DGKD: variants seen among roughly 807,000 people sequenced by gnomAD.
DGKD encodes the protein diacylglycerol kinase delta.
In DGKD, 68 loss-of-function variants were observed where a neutral mutation model predicts 154.4. The ratio of observed to expected loss-of-function variants is 0.44; its 90% CI spans 0.36 to 0.54. The LOEUF (loss-of-function observed/expected upper bound fraction) is 0.54. Among genes scored for constraint, DGKD ranks in the 20% least tolerant of loss-of-function variants. The probability of loss-of-function intolerance (pLI) is 0.00; values close to 1 mark genes in which losing one functional copy is unlikely to be tolerated. For missense variants in DGKD, 1,343 were observed against 1,593.6 expected, an observed-to-expected ratio of 0.84 and a Z score of 2.68; for synonymous variants, 693 against 638.0, an observed-to-expected ratio of 1.09 and a Z score of -1.30.
rs1227581832 is a variant in DGKD, at chr2:233,440,186, C to T, written c.1086-1701C>T. 1.3e-5 allele frequency among the ~76,000 whole-genome samples: 2 copies of T among 152,192 alleles called. No homozygotes were observed. Among genetic ancestry groups the T allele is most frequent in the African/African-American group, 4.8e-5 (2 of 41,444 alleles). On this transcript the variant is annotated intron_variant, in intron 9 of 29. Transcript: ENST00000264057. This position sits in a 1 kb window ranked among gnomAD's most constrained non-coding sequence, Gnocchi z 4.9. ...TCATTTACCATTTCTGGAAGCAGCT[C>T]ATCTCACACAGCTCACAGCAGAATC... is the stretch of plus-strand genomic sequence containing the variant.
chr2:233,448,311 G>T lies in DGKD; in HGVS notation c.1550G>T (p.Arg517Leu). The T allele has an allele frequency of 6.2e-7, 1 of 1,614,144 alleles. No individual in the cohort carries two copies. Among genetic ancestry groups the T allele is most frequent in the Non-Finnish European group, 8.5e-7 (1 of 1,180,018 alleles). ...LCETVKDFVA[R>L]VGKAYEKTTE... is the part of the protein sequence containing the mutation. ...GAGACGGTGAAGGACTTCGTGGCAC[G>T]GGTGGGGAAGGCCTATGAGAAGACG... is the stretch of plus-strand genomic sequence containing the variant. The change falls in exon 14 of 30, where the codon CGG becomes CTG. Residue 517 changes from arginine (R) to leucine (L), a missense_variant. Arg to Leu is a moderately radical substitution (Grantham distance 102, BLOSUM62 -2). Coordinates refer to ENST00000264057, the MANE Select transcript of DGKD (RefSeq NM_152879.3).
chr2:233,412,864 A>G (rs916076024), intron 3 of DGKD, among the ~76,000 whole-genome samples: 1 of 152,060 alleles, frequency 6.6e-6, no homozygotes, highest in African/African-American at 2.4e-5. Flanking sequence ...TTTCTCCTTT[A>G]TATTATTAAA....
chr2:233,368,307 C>T (rs1260682277), intron 1 of DGKD, among the ~76,000 whole-genome samples: 1 of 151,952 alleles, frequency 6.6e-6, no homozygotes, highest in Non-Finnish European at 1.5e-5. Flanking sequence ...GTCAGGAGTT[C>T]GAGACCAGCC....
At chr2:233,465,140 G>C (rs1254931012) in intron 27 of DGKD, among the ~76,000 whole-genome samples, 4 of 152,210 alleles carry the variant, frequency 2.6e-5, no homozygotes. Flanking sequence ...AAACTCAGCA[G>C]CTTCTCAGTG....
chr2:233,469,247 G>T, intron 29 of DGKD, 124 bp from the exon 30 acceptor site: 1 of 766,372 alleles, frequency 1.3e-6, no homozygotes, highest in Admixed American at 2.4e-5. Context: ...TACCGTTTTT[G>T]TCATTTTGGC....
At chr2:233,380,966 G>T (rs1355569528) in intron 1 of DGKD, among the ~76,000 whole-genome samples, 1 of 152,172 alleles carries the variant, frequency 6.6e-6, no homozygotes, top group Admixed American at 6.5e-5. Context: ...TGAAAACCAG[G>T]GTAGTGGCAA....
At chr2:233,426,992 A>G (rs1380698291) in intron 3 of DGKD, among the ~76,000 whole-genome samples, 1 of 152,114 alleles carries the variant, frequency 6.6e-6, no homozygotes, top group East Asian at 1.9e-4. Flanking sequence ...CCATTTTACT[A>G]TTAGTTTGTC....
intron 1 of DGKD, among the ~76,000 whole-genome samples, chr2:233,369,226 C>T (rs1205603639): frequency 1.3e-5 from 2 of 152,170 alleles, no homozygotes; most frequent in Non-Finnish European, 2.9e-5. Flanking sequence ...TTTCCCTGTC[C>T]ACTGTATCCA....
chr2:233,461,692 G>T (rs1482827700), intron 24 of DGKD, among the ~76,000 whole-genome samples: 2 of 152,258 alleles, frequency 1.3e-5, no homozygotes, highest in African/African-American at 4.8e-5. Context: ...TGCCTGGAAG[G>T]TGCACTTGCA....
chr2:233,436,596 C>T (rs2062704678), intron 7 of DGKD, among the ~76,000 whole-genome samples, 155 bp downstream of exon 7: 1 of 152,240 alleles, frequency 6.6e-6, no homozygotes, highest in South Asian at 2.1e-4. Flanking sequence ...TTGGGTCATT[C>T]TCCTTCTTAG....
At position 233,438,133 on chromosome 2, in the gene DGKD, G is replaced by A; in HGVS notation, c.923-84G>A. The A allele has an allele frequency of 6.8e-7, 1 of 1,477,018 alleles. No homozygotes were observed. The allele number at this position is 1,477,018 out of a possible 1,614,324, so 91.5% of individuals were successfully genotyped here. ...GTGTCAGGTGTGTGTCCTTTGGGGG[G>A]GTCTGCTGCTGCTGATTCCATCAGT... is the stretch of plus-strand genomic sequence containing the variant. On this transcript the variant is annotated intron_variant, in intron 8 of 29. Coordinates refer to ENST00000264057, the MANE Select transcript of DGKD (RefSeq NM_152879.3). This position sits in a 1 kb window ranked among gnomAD's most constrained non-coding sequence, Gnocchi z 4.1.
At chr2:233,426,647 G>A (rs2062312918) in intron 3 of DGKD, among the ~76,000 whole-genome samples, 1 of 152,192 alleles carries the variant, frequency 6.6e-6, no homozygotes, top group African/African-American at 2.4e-5. Flanking sequence ...CAATGTATGA[G>A]TATACTACAG....
intron 3 of DGKD, among the ~76,000 whole-genome samples, chr2:233,411,085 G>T (rs2061817833): frequency 1.3e-5 from 2 of 151,938 alleles, no homozygotes; most frequent in Admixed American, 1.3e-4. Context: ...TCCAGCATTT[G>T]TCTATTCTAT....
chr2:233,439,489 T>G (rs1386556838), intron 9 of DGKD, among the ~76,000 whole-genome samples: 1 of 152,254 alleles, frequency 6.6e-6, no homozygotes, highest in Non-Finnish European at 1.5e-5. Context: ...CTCCCACATT[T>G]TCTGTAGAAA....
chr2:233,466,972 C>T (rs1204396866), intron 27 of DGKD, 114 bp from the exon 28 acceptor site: 8 of 788,070 alleles, frequency 1.0e-5, no homozygotes, highest in African/African-American at 1.7e-5. Flanking sequence ...GAGGTCTTTC[C>T]CAGCTCCCGC....
intron 1 of DGKD, among the ~76,000 whole-genome samples, chr2:233,375,335 G>A (rs994420932): frequency 3.9e-5 from 6 of 151,928 alleles, no homozygotes; most frequent in Non-Finnish European, 7.4e-5. Context: ...CAGATGGGAA[G>A]GATGTTATCT....
Position 233,450,981 on chromosome 2 carries a change from G to C in DGKD, c.2098G>C (p.Ala700Pro). The C allele has an allele frequency of 1.1e-5, 18 of 1,612,580 alleles. No homozygotes were observed. The highest frequency in any genetic ancestry group is 1.5e-5 in the Non-Finnish European group (18 of 1,178,670). The change falls in exon 17 of 30, where the codon GCT becomes CCT. Residue 700 changes from alanine to proline, a missense_variant. By Grantham distance (27) the Ala-to-Pro change is conservative (BLOSUM62 -1). This residue lies in a region of DGKD where 409 missense variants were observed against 446.0 expected (regional missense o/e 0.92). Coordinates refer to ENST00000264057, the MANE Select transcript of DGKD (RefSeq NM_152879.3). ...SKGSLSLGSS[A>P]SLPPQPGSRD... is the part of the protein sequence containing the mutation. Reference sequence around the variant, plus strand: ...AGGGAGTCTGTCCCTAGGCAGTTCTGCTTCCCTTCCGCCCCAGCCGGGAAG... The same window carrying C: ...AGGGAGTCTGTCCCTAGGCAGTTCTCCTTCCCTTCCGCCCCAGCCGGGAAG...
In DGKD at chr2:233,434,364, C is replaced by T. The variant is rs767255891; in HGVS notation, c.349-16C>T. 4 of 1,606,726 alleles carry T rather than the reference C, an allele frequency of 2.5e-6. No homozygotes were observed. The highest frequency in any genetic ancestry group is 3.4e-6 in the Non-Finnish European group (4 of 1,173,766). On this transcript the variant is annotated splice_polypyrimidine_tract_variant and intron_variant, in intron 3 of 29. Coordinates refer to ENST00000264057, the MANE Select transcript of DGKD (RefSeq NM_152879.3). Reference sequence around the variant, plus strand: ...CCTTTTGTTCATGGATCTGTTGAACCTGTTTCTTTCTCTAGGTCATAACTC... The same window carrying T: ...CCTTTTGTTCATGGATCTGTTGAACTTGTTTCTTTCTCTAGGTCATAACTC...
intron 8 of DGKD, among the ~76,000 whole-genome samples, chr2:233,437,905 G>C (rs1385867390): frequency 6.6e-6 from 1 of 152,248 alleles, no homozygotes; most frequent in African/African-American, 2.4e-5. Flanking sequence ...CTGGGACATG[G>C]TGGCACCTGT....
Sources: gnomAD v4.1 joint callset for allele counts (sites outside exome capture counted in the v4.1 genomes callset) on GRCh38, gnomAD v4.1.1 for gene constraint, gnomAD v4.1.1 regional missense constraint, Gnocchi (gnomAD v3.1) non-coding constraint, MANE v1.5 for transcripts, NCBI Gene and HGNC (gene_info 2026-07-23, HGNC 2026-07-21) for gene names.